The following RBM39 variants were observed in gnomAD, a reference collection of about 807,000 sequenced individuals.
RBM39 encodes RNA-binding protein 39.
RBM39 carries 12 observed loss-of-function variants against 79.6 expected under a neutral mutation model. That is an observed-to-expected ratio of 0.15 (90% CI 0.10 to 0.24). The LOEUF (loss-of-function observed/expected upper bound fraction) is 0.24. Among genes scored for constraint, RBM39 ranks in the 10% least tolerant of loss-of-function variants. RBM39 has a pLI of 1.00. For missense variants in RBM39, 243 were observed against 653.4 expected (o/e 0.37, Z 6.85); for synonymous variants, 185 against 208.4 (o/e 0.89, Z 0.97).
At chr20:35,706,891 G>T (rs2035796669) in intron 14 of RBM39, among the ~76,000 whole-genome samples, 1 of 151,920 alleles carries the variant, frequency 6.6e-6, no homozygotes, top group African/African-American at 2.4e-5. Flanking sequence ...GCCAGGTGTG[G>T]TGGCGCATGC....
intron 9 of RBM39, among the ~76,000 whole-genome samples, chr20:35,720,261 T>C (rs1406244563): frequency 6.6e-6 from 1 of 152,178 alleles, no homozygotes; most frequent in East Asian, 1.9e-4. Context: ...TTTAGGTAGA[T>C]AGCACAAAGT....
chr20:35,722,173 T>G (rs2038026002), intron 8 of RBM39, among the ~76,000 whole-genome samples: 1 of 152,070 alleles, frequency 6.6e-6, no homozygotes, highest in African/African-American at 2.4e-5. Flanking sequence ...TTTAGTAGGC[T>G]AAAGCAGCCA....
At chr20:35,734,740 T>C (rs919226874) in intron 3 of RBM39, 2 of 1,173,506 alleles carry the variant, frequency 1.7e-6, no homozygotes, top group African/African-American at 1.6e-5. Flanking sequence ...AGCAACATAC[T>C]AAGACATTCA....
rs1473520755 is a variant in RBM39 at position 35,702,770 on chromosome 20, A to C, written c.*1711T>G. On this transcript the variant is annotated 3_prime_UTR_variant, in exon 17 of 17. Transcript: ENST00000253363. ...TAACACCGTCTCTGCTAAAAATACAAAAATTAGCTGGGCACGGTGGTGCGC... is the reference window on the plus strand; with the variant it reads ...TAACACCGTCTCTGCTAAAAATACACAAATTAGCTGGGCACGGTGGTGCGC... 2 of 152,164 alleles carry C rather than the reference A, an allele frequency of 1.3e-5. No homozygotes were observed. Among genetic ancestry groups the C allele is most frequent in the African/African-American group, 4.8e-5 (2 of 41,422 alleles). 9.4% of individuals were successfully genotyped at this position (152,164 alleles called of 1,614,324 possible).
At chr20:35,720,716 G>A (rs949632621) in intron 9 of RBM39, among the ~76,000 whole-genome samples, 1 of 152,126 alleles carries the variant, frequency 6.6e-6, no homozygotes, top group Non-Finnish European at 1.5e-5. Context: ...AGTTTGCAGC[G>A]AGGCGAGATT....
chr20:35,721,130 G>A (rs535367607), intron 9 of RBM39, among the ~76,000 whole-genome samples: 2 of 152,120 alleles, frequency 1.3e-5, no homozygotes, highest in African/African-American at 2.4e-5. Flanking sequence ...TAACAGAGAC[G>A]TGGTTTTACC....
chr20:35,707,757 C>A, intron 13 of RBM39: 1 of 247,968 alleles, frequency 4.0e-6, no homozygotes, highest in Non-Finnish European at 8.4e-6. Context: ...ATTAATAAAT[C>A]AAATGTTTTA....
intron 3 of RBM39, among the ~76,000 whole-genome samples, chr20:35,737,654 T>C (rs971886888): frequency 5.5e-5 from 8 of 144,302 alleles, no homozygotes; most frequent in South Asian, 4.4e-4. Flanking sequence ...CAAGGTCAAT[T>C]CTGGCTAACA....
rs1229082007 is a variant in RBM39, at chr20:35,703,065, T to C, written c.*1416A>G. The C allele has an allele frequency of 2.0e-5, 3 of 151,698 alleles. No homozygotes were observed. The highest frequency in any genetic ancestry group is 4.4e-5 in the Non-Finnish European group (3 of 67,938). The allele number at this position is 151,698 out of a possible 1,614,324, so 9.4% of individuals were successfully genotyped here. The stretch of plus-strand genomic sequence containing the variant: ...CTAACAAAAAAAAAAGTTGAACAAA[T>C]GAGGTAAGGAACTCAGTATTTGAAG... On this transcript the variant is annotated 3_prime_UTR_variant, in exon 17 of 17. Transcript: ENST00000253363.
At position 35,729,296 on chromosome 20, in the gene RBM39, T is replaced by TTAA. The variant is rs776241912; in HGVS notation, c.416+15_416+16insTTA. On this transcript the variant is annotated intron_variant, in intron 6 of 16. Coordinates refer to ENST00000253363, the MANE Select transcript of RBM39 (RefSeq NM_184234.3). ...AAAGCTTTTTAAGAGCTAAAGGCTT[T>TTAA]AAAGAAGTAAACTACCTCACAGGGC... 2.7e-5 allele frequency: 42 copies of TTAA among 1,573,230 alleles called. 1 individual carries two copies. In the South Asian group the frequency reaches 5.0e-4, roughly 19 times the overall value.
intron 10 of RBM39, among the ~76,000 whole-genome samples, chr20:35,716,062 A>G (rs911350647): frequency 7.2e-5 from 11 of 152,042 alleles, no homozygotes; most frequent in African/African-American, 2.7e-4. Flanking sequence ...ATATTTATTT[A>G]TTTATAGTTT....
intron 6 of RBM39, among the ~76,000 whole-genome samples, chr20:35,727,806 C>A (rs560606023): frequency 5.9e-5 from 9 of 151,892 alleles, no homozygotes; most frequent in African/African-American, 2.2e-4. Flanking sequence ...CACACCACCA[C>A]GCCCAGCTAA....
At chr20:35,713,694 A>AAAAAAAAC in intron 11 of RBM39, 1 of 147,346 alleles carries the variant, frequency 6.8e-6, no homozygotes, top group Non-Finnish European at 1.5e-5. Context: ...AAAAAAAAAA[A>AAAAAAAAC]AAACCACCAC....
intron 2 of RBM39, chr20:35,739,280 A>G (rs1308247159): frequency 8.2e-6 from 4 of 486,910 alleles, no homozygotes; most frequent in Non-Finnish European, 1.5e-5. Context: ...TATAGTTTAG[A>G]TATTAAAAGT....
chr20:35,727,583 C>T (rs6060585), intron 6 of RBM39, among the ~76,000 whole-genome samples: 15,813 of 151,796 alleles, frequency 0.1, 852 homozygotes, highest in South Asian at 0.14. Context: ...TCAAGTGATT[C>T]TCTTGCCTCA....
chr20:35,731,924 T>G lies in RBM39; in HGVS notation c.296+17A>C. ...GAGAATAACCCTCAAACCAAAATCATAACTATAGTTACATACTAAGGACTT... is the reference window on the plus strand; with the variant it reads ...GAGAATAACCCTCAAACCAAAATCAGAACTATAGTTACATACTAAGGACTT... On this transcript the variant is annotated intron_variant, in intron 4 of 16. Coordinates refer to ENST00000253363, the MANE Select transcript of RBM39 (RefSeq NM_184234.3). 6.2e-7 allele frequency: 1 copy of G among 1,610,356 alleles called. No individual in the cohort carries two copies. Among genetic ancestry groups the G allele is most frequent in the Non-Finnish European group, 8.5e-7 (1 of 1,178,234 alleles).
At chr20:35,708,308 C>A (rs2035994846) in intron 13 of RBM39, among the ~76,000 whole-genome samples, 1 of 151,544 alleles carries the variant, frequency 6.6e-6, no homozygotes, top group African/African-American at 2.4e-5. Context: ...TGGAAGTATC[C>A]TTAAAAAAAA....
At chr20:35,734,833 T>TTA in intron 3 of RBM39, 1 of 1,412,158 alleles carries the variant, frequency 7.1e-7, no homozygotes, top group Non-Finnish European at 9.2e-7. Flanking sequence ...CAAAGAGCAT[T>TTA]TATTACATTA....
At chr20:35,732,253 T>C (rs1479737212) in intron 3 of RBM39, 118 bp from the exon 4 acceptor site, 1 of 915,072 alleles carries the variant, frequency 1.1e-6, no homozygotes, top group African/African-American at 1.7e-5. Context: ...CTAGTTTTAC[T>C]ATGATACAAT....
Sources: allele counts gnomAD v4.1 joint callset (sites outside exome capture counted in the v4.1 genomes callset), GRCh38; gene constraint gnomAD v4.1.1; transcripts MANE v1.5; gene names NCBI Gene and HGNC (gene_info 2026-07-23, HGNC 2026-07-21).